PRKD1: variants seen among roughly 807,000 people sequenced by gnomAD.
The protein encoded by PRKD1 is protein kinase D1.
In PRKD1, 63 loss-of-function variants were observed where a neutral mutation model predicts 95.9. The observed-to-expected ratio is 0.66, with a 90% CI of 0.54 to 0.81. PRKD1 has a LOEUF of 0.81. Ranked by LOEUF, PRKD1 falls within the 30% of genes least tolerant of loss-of-function variation. The pLI is 0.00. For missense variants in PRKD1, 1,048 were observed against 1,165.3 expected, an observed-to-expected ratio of 0.90 and a Z score of 1.47; for synonymous variants, 425 against 423.1, an observed-to-expected ratio of 1.00 and a Z score of -0.05.
intron 1 of PRKD1, among the ~76,000 whole-genome samples, chr14:29,789,298 C>T (rs750362705): frequency 1.3e-5 from 2 of 152,054 alleles, no homozygotes; most frequent in Non-Finnish European, 2.9e-5. Context: ...GGAGGTGTCA[C>T]GTTTCCTTGC....
chr14:29,849,548 G>C (rs1452655347), intron 1 of PRKD1, among the ~76,000 whole-genome samples: 1 of 150,292 alleles, frequency 6.7e-6, no homozygotes, highest in Non-Finnish European at 1.5e-5. Flanking sequence ...AACTGAATCA[G>C]TGAAGTAAAA....
At position 29,866,636 on chromosome 14, in the gene PRKD1, G is replaced by C. The variant is rs138149675; in HGVS notation, c.264+60613C>G. Among the ~76,000 whole-genome samples, 108 of 152,234 alleles carry C rather than the reference G, an allele frequency of 7.1e-4. No homozygotes were observed. The East Asian group carries it at 0.019, about 27-fold the overall frequency. On this transcript the variant is annotated intron_variant, in intron 1 of 17. Coordinates refer to ENST00000331968, the MANE Select transcript of PRKD1 (RefSeq NM_002742.3). ...AGACAGATGACACAACAGGGGATGGGGGCAGTGCAGAAAGAGGTGATTAGA... is the reference window on the plus strand; with the variant it reads ...AGACAGATGACACAACAGGGGATGGCGGCAGTGCAGAAAGAGGTGATTAGA...
At chr14:29,688,970 A>G (rs12886337) in intron 2 of PRKD1, among the ~76,000 whole-genome samples, 18 of 149,902 alleles carry the variant, frequency 1.2e-4, no homozygotes, top group Admixed American at 3.3e-4. Flanking sequence ...AAAAAAAAAA[A>G]AAAGAAAGAA....
intron 2 of PRKD1, among the ~76,000 whole-genome samples, chr14:29,671,687 A>T (rs1021972373): frequency 6.6e-6 from 1 of 152,190 alleles, no homozygotes; most frequent in Non-Finnish European, 1.5e-5. Flanking sequence ...AATTATTTTC[A>T]ATAGGCCCAA....
chr14:29,735,442 T>C (rs1308831749), intron 1 of PRKD1, among the ~76,000 whole-genome samples: 1 of 152,186 alleles, frequency 6.6e-6, no homozygotes, highest in Admixed American at 6.5e-5. Context: ...AAACCTTGGG[T>C]AGCTAATTCT....
chr14:29,831,175 A>C (rs1891395796), intron 1 of PRKD1, among the ~76,000 whole-genome samples: 1 of 152,214 alleles, frequency 6.6e-6, no homozygotes, highest in African/African-American at 2.4e-5. Context: ...AAATGCCTCA[A>C]TACAACCCTA....
intron 4 of PRKD1, among the ~76,000 whole-genome samples, chr14:29,660,996 T>C (rs1012860943): frequency 1.3e-5 from 2 of 152,174 alleles, no homozygotes; most frequent in African/African-American, 2.4e-5. Context: ...GACTGTTTTA[T>C]GGATAGCATA....
chr14:29,924,139 T>TCC (rs1046368369), intron 1 of PRKD1, among the ~76,000 whole-genome samples: 44 of 152,268 alleles, frequency 2.9e-4, no homozygotes, highest in African/African-American at 8.4e-4. Context: ...AAACCCTGGA[T>TCC]CAATACTTTC....
chr14:29,623,327 T>C (rs1403373759), intron 13 of PRKD1, among the ~76,000 whole-genome samples: 3 of 152,194 alleles, frequency 2.0e-5, no homozygotes, highest in Admixed American at 6.5e-5. Flanking sequence ...GTTTTTATCA[T>C]ATGAAACTCA....
At chr14:29,717,534 G>A (rs1414084698) in intron 2 of PRKD1, among the ~76,000 whole-genome samples, 1 of 152,014 alleles carries the variant, frequency 6.6e-6, no homozygotes, top group Non-Finnish European at 1.5e-5. Context: ...AAGCTATGTG[G>A]AGATATAACA....
intron 1 of PRKD1, among the ~76,000 whole-genome samples, chr14:29,803,462 T>C (rs1890114759): frequency 6.6e-6 from 1 of 152,224 alleles, no homozygotes; most frequent in African/African-American, 2.4e-5. Context: ...TGTAACTCTA[T>C]ATTAGCATAC....
At chr14:29,925,559 G>A (rs1044429155) in intron 1 of PRKD1, among the ~76,000 whole-genome samples, 1 of 151,988 alleles carries the variant, frequency 6.6e-6, no homozygotes, top group Non-Finnish European at 1.5e-5. Context: ...TGAGACACCT[G>A]GAATTCACCC....
chr14:29,776,477 C>T (rs1224367385), intron 1 of PRKD1, among the ~76,000 whole-genome samples: 1 of 152,154 alleles, frequency 6.6e-6, no homozygotes, highest in Non-Finnish European at 1.5e-5. Context: ...AAAACCATGG[C>T]ACAAGAACTA....
rs188425129 is a variant in PRKD1 at position 29,708,935 on chromosome 14, T to G, written c.403+16601A>C. Among the ~76,000 whole-genome samples, 344 of 152,234 alleles carry G rather than the reference T, an allele frequency of 2.3e-3. 1 individual carries two copies. The highest frequency in any genetic ancestry group is 4.3e-3 in the Non-Finnish European group (293 of 68,008). ...CAACCACTCCCAAGATAGCAAAATT[T>G]TTTATATTTATTATAAGATATATTT... is the stretch of plus-strand genomic sequence containing the variant. On this transcript the variant is annotated intron_variant, in intron 2 of 17. Coordinates refer to ENST00000331968, the MANE Select transcript of PRKD1 (RefSeq NM_002742.3).
intron 2 of PRKD1, among the ~76,000 whole-genome samples, chr14:29,717,815 C>T (rs1322415011): frequency 2.6e-5 from 4 of 152,068 alleles, no homozygotes; most frequent in South Asian, 2.1e-4. Context: ...TTTTCACTTC[C>T]GGGTTTGTCT....
At chr14:29,661,155 A>C (rs567787948) in intron 4 of PRKD1, among the ~76,000 whole-genome samples, 19 of 152,348 alleles carry the variant, frequency 1.2e-4, no homozygotes, top group African/African-American at 4.6e-4. Flanking sequence ...CCAATGTCGT[A>C]ATCTGTATCT....
chr14:29,833,965 A>G (rs751425891), intron 1 of PRKD1, among the ~76,000 whole-genome samples: 2 of 152,098 alleles, frequency 1.3e-5, no homozygotes, highest in African/African-American at 4.8e-5. Flanking sequence ...ATACAGAGAA[A>G]AGGAACACAG....
intron 3 of PRKD1, among the ~76,000 whole-genome samples, 186 bp downstream of exon 3, chr14:29,665,891 A>C (rs1882466485): frequency 6.6e-6 from 1 of 152,130 alleles, no homozygotes; most frequent in Non-Finnish European, 1.5e-5. Flanking sequence ...CGAGTGGATG[A>C]AGAAAATGTA....
At chr14:29,599,617 T>C in intron 14 of PRKD1, 39 bp downstream of exon 14, 1 of 1,561,568 alleles carries the variant, frequency 6.4e-7, no homozygotes, top group East Asian at 2.2e-5. Flanking sequence ...CATTTGATAT[T>C]AAATATTGTA....
Sources: allele counts gnomAD v4.1 joint callset (sites outside exome capture counted in the v4.1 genomes callset), GRCh38; gene constraint gnomAD v4.1.1; transcripts MANE v1.5; gene names NCBI Gene and HGNC (gene_info 2026-07-23, HGNC 2026-07-21).